PPIP5K2: variants seen among roughly 807,000 people sequenced by gnomAD.
PPIP5K2 encodes the protein inositol hexakisphosphate and diphosphoinositol-pentakisphosphate kinase 2.
Under a neutral mutation model 154.6 loss-of-function variants are expected in PPIP5K2, and 105 were observed. That is an observed-to-expected ratio of 0.68 (90% CI 0.58 to 0.80). The LOEUF is 0.80. PPIP5K2 is among the 30% of genes least tolerant of loss of function. The probability of loss-of-function intolerance (pLI) is 0.00; values close to 1 mark genes in which losing one functional copy is unlikely to be tolerated. For missense variants in PPIP5K2, 992 were observed against 1,504.6 expected (o/e 0.66, Z 5.64); for synonymous variants, 480 against 490.3 (o/e 0.98, Z 0.28).
chr5:103,173,260 A>G lies in PPIP5K2; in HGVS notation c.2392A>G (p.Thr798Ala), dbSNP rs1480989269. The stretch of plus-strand genomic sequence containing the variant: ...CCTTCAGAGGACACAAGATGATGAC[A>G]CTGTAAATAAACTTCATCCTGTGTA... ...SDLQRTQDDD[T>A]VNKLHPVYSR... The change falls in exon 20 of 31, where the codon ACT (threonine) becomes GCT (alanine). Residue 798 changes from threonine to alanine, a missense_variant. This residue lies in a region of PPIP5K2 where 157 missense variants were observed against 281.2 expected (regional missense o/e 0.56). Coordinates refer to ENST00000358359, the MANE Select transcript of PPIP5K2 (RefSeq NM_001276277.3). 6.2e-7 allele frequency: 1 copy of G among 1,611,560 alleles called. No individual in the cohort carries two copies. The highest frequency in any genetic ancestry group is 1.3e-5 in the African/African-American group (1 of 74,850).
chr5:103,163,250 A>T (rs1355744129), intron 17 of PPIP5K2, among the ~76,000 whole-genome samples: 4 of 151,128 alleles, frequency 2.6e-5, no homozygotes, highest in Non-Finnish European at 5.9e-5. Context: ...TAGCTCATTT[A>T]TTTAGATATT....
intron 19 of PPIP5K2, among the ~76,000 whole-genome samples, chr5:103,171,278 A>G (rs1797939580): frequency 6.6e-6 from 1 of 151,578 alleles, no homozygotes; most frequent in South Asian, 2.1e-4. Flanking sequence ...ATAGTGGTAA[A>G]TAAAAACATT....
intron 17 of PPIP5K2, among the ~76,000 whole-genome samples, chr5:103,161,527 A>G (rs1244239013): frequency 6.6e-6 from 1 of 152,184 alleles, no homozygotes; most frequent in Non-Finnish European, 1.5e-5. Flanking sequence ...TCCTTGAGGA[A>G]TCGCCATACT....
chr5:103,164,044 T>C (rs1796758996), intron 17 of PPIP5K2, among the ~76,000 whole-genome samples: 2 of 152,034 alleles, frequency 1.3e-5, no homozygotes. Flanking sequence ...GCTTTACTAG[T>C]AAATAGTATG....
intron 5 of PPIP5K2, among the ~76,000 whole-genome samples, chr5:103,142,588 G>A (rs1198838258): frequency 2.0e-5 from 3 of 152,158 alleles, no homozygotes; most frequent in Non-Finnish European, 4.4e-5. Flanking sequence ...CTGCTAGCAC[G>A]CTGTCACCTC....
intron 25 of PPIP5K2, 127 bp downstream of exon 25, chr5:103,183,534 G>A (rs1243443821): frequency 2.5e-6 from 2 of 806,860 alleles, no homozygotes; most frequent in African/African-American, 1.8e-5. Context: ...TTAATTTTGA[G>A]TTCATTTAAA....
At chr5:103,165,800 CTTG>C (rs1247088969) in intron 17 of PPIP5K2, among the ~76,000 whole-genome samples, 1 of 152,102 alleles carries the variant, frequency 6.6e-6, no homozygotes, top group Non-Finnish European at 1.5e-5. Context: ...AAAAATTAAT[CTTG>C]TTCATGCCCT....
intron 17 of PPIP5K2, among the ~76,000 whole-genome samples, chr5:103,166,750 C>G (rs1797176929): frequency 6.6e-6 from 1 of 151,844 alleles, no homozygotes; most frequent in Non-Finnish European, 1.5e-5. Context: ...TAAGAAAATT[C>G]TAGAGTGAGC....
At chr5:103,181,012 T>C (rs575376904) in intron 24 of PPIP5K2, among the ~76,000 whole-genome samples, 2 of 152,252 alleles carry the variant, frequency 1.3e-5, no homozygotes, top group East Asian at 1.9e-4. Context: ...ATTTTACCTT[T>C]ATATTAAGAT....
intron 21 of PPIP5K2, chr5:103,176,869 A>G (rs995457200): frequency 5.4e-5 from 77 of 1,427,020 alleles, no homozygotes; most frequent in Non-Finnish European, 7.1e-5. Flanking sequence ...TTTAAAGACC[A>G]ATGATTCTCA....
chr5:103,189,227 G>T, intron 28 of PPIP5K2: 1 of 1,520,802 alleles, frequency 6.6e-7, no homozygotes, highest in Non-Finnish European at 8.8e-7. Context: ...GGCTCCAGTG[G>T]TATGTTTTTA....
rs1800097407 is a variant in PPIP5K2 at position 103,184,744 on chromosome 5, G to A, written c.3169G>A (p.Gly1057Arg). 1 of 1,608,746 alleles carries A rather than the reference G, an allele frequency of 6.2e-7. No individual in the cohort carries two copies. The highest frequency in any genetic ancestry group is 8.5e-7 in the Non-Finnish European group (1 of 1,175,574). The change falls in exon 26 of 31, where the codon GGG (glycine) becomes AGG (arginine). Residue 1057 changes from glycine to arginine, a missense_variant and splice_region_variant. Coordinates refer to ENST00000358359, the MANE Select transcript of PPIP5K2 (RefSeq NM_001276277.3). ...LVEQKQNPTVGSHCAGLFSTS... is the reference protein window; with the variant it reads ...LVEQKQNPTVRSHCAGLFSTS... Reference sequence around the variant, plus strand: ...GGAACAGAAGCAGAATCCTACTGTAGGTATGTGGTGTAAAGGAAATTGTGT... The same window carrying A: ...GGAACAGAAGCAGAATCCTACTGTAAGTATGTGGTGTAAAGGAAATTGTGT...
chr5:103,168,607 C>T (rs376152754), intron 19 of PPIP5K2, among the ~76,000 whole-genome samples: 9 of 151,626 alleles, frequency 5.9e-5, no homozygotes, highest in Admixed American at 4.6e-4. Flanking sequence ...ATACATAGCA[C>T]GTCCTCCCCC....
chr5:103,174,086 A>AAGG, intron 21 of PPIP5K2, 114 bp downstream of exon 21: 1 of 800,206 alleles, frequency 1.2e-6, no homozygotes, highest in Non-Finnish European at 1.9e-6. Context: ...TTTACTACTT[A>AAGG]ATGTCGTCTT....
chr5:103,135,561 G>A (rs1402181019), intron 3 of PPIP5K2, among the ~76,000 whole-genome samples: 2 of 152,020 alleles, frequency 1.3e-5, no homozygotes, highest in African/African-American at 4.8e-5. Context: ...CCTCCTGAAG[G>A]ATAGAACTAC....
intron 19 of PPIP5K2, among the ~76,000 whole-genome samples, chr5:103,169,813 A>G (rs746440135): frequency 1.1e-4 from 17 of 151,728 alleles, no homozygotes; most frequent in Non-Finnish European, 2.5e-4. Context: ...TTTATTTTGC[A>G]TAATAAAAAT....
chr5:103,154,377 T>C (rs1795078638), intron 11 of PPIP5K2, among the ~76,000 whole-genome samples: 1 of 152,070 alleles, frequency 6.6e-6, no homozygotes, highest in Non-Finnish European at 1.5e-5. Flanking sequence ...GTATATGCAA[T>C]GACTTCAGAA....
chr5:103,129,755 T>G, intron 2 of PPIP5K2, 52 bp downstream of exon 2: 1 of 1,479,916 alleles, frequency 6.8e-7, no homozygotes, highest in Non-Finnish European at 8.9e-7. Flanking sequence ...AGTATAGGCT[T>G]TTTACTAATC....
rs376922785 is a variant in PPIP5K2 at position 103,167,985 on chromosome 5, TAA to T, written c.2063-83_2063-82del. On this transcript the variant is annotated intron_variant, in intron 18 of 30. Transcript: ENST00000358359. The stretch of plus-strand genomic sequence containing the variant: ...TCATACAGTTGTATTTTTGACACTT[TAA>T]AAAGTTTCTAATTATTAACATATTA... The T allele has an allele frequency of 8.2e-4, 698 of 853,540 alleles. 14 individuals are homozygous for T. In the South Asian group the frequency reaches 0.013, roughly 15 times the overall value. 52.9% of individuals were successfully genotyped at this position (853,540 alleles called of 1,614,324 possible).
Sources: gnomAD v4.1 joint callset for allele counts (sites outside exome capture counted in the v4.1 genomes callset) on GRCh38, gnomAD v4.1.1 for gene constraint, gnomAD v4.1.1 regional missense constraint, MANE v1.5 for transcripts, NCBI Gene and HGNC (gene_info 2026-07-23, HGNC 2026-07-21) for gene names.